Variants in SPTA1 observed in about 807,000 individuals in gnomAD.
SPTA1 encodes the protein spectrin alpha chain, erythrocytic 1.
A neutral mutation model predicts 324.7 loss-of-function variants in SPTA1; 177 were observed. The observed-to-expected ratio is 0.55, with a 90% confidence interval of 0.48 to 0.62. The LOEUF (loss-of-function observed/expected upper bound fraction) is 0.62, where lower values mean the gene tolerates loss of function less well. Ranked by LOEUF, SPTA1 falls within the 20% of genes least tolerant of loss-of-function variation. The probability of loss-of-function intolerance (pLI) is 0.00; values close to 1 mark genes in which losing one functional copy is unlikely to be tolerated. For synonymous variants in SPTA1, 1,195 were observed against 1,041.3 expected (o/e 1.15, Z -2.84); for missense variants, 3,162 against 2,883.6 (o/e 1.10, Z -2.21).
chr1:158,661,347 C>CA lies in SPTA1; in HGVS notation c.2526dup (p.Ala843CysfsTer4). ...TCTTGAATGCGTGGTTCATGGCTGG[C>CA]AATGTTCTCCAGGATGACTCTATGC... On this transcript the variant is annotated frameshift_variant, in exon 18 of 52. Coordinates refer to ENST00000643759, the MANE Select transcript of SPTA1 (RefSeq NM_003126.4). LOFTEE classifies it high-confidence loss of function. The CA allele has an allele frequency of 6.2e-7, 1 of 1,613,900 alleles. No homozygotes were observed. The highest frequency in any genetic ancestry group is 2.2e-5 in the East Asian group (1 of 44,856).
chr1:158,674,589 G>A lies in SPTA1; in HGVS notation c.1199C>T (p.Thr400Ile). The A allele has an allele frequency of 6.2e-7, 1 of 1,614,114 alleles. No individual in the cohort carries two copies. Among genetic ancestry groups the A allele is most frequent in the Non-Finnish European group, 8.5e-7 (1 of 1,180,014 alleles). The change falls in exon 9 of 52, where the codon ACA becomes ATA. Residue 400 changes from threonine to isoleucine, a missense_variant. By Grantham distance (89) the Thr-to-Ile change is moderately conservative (BLOSUM62 -1). Transcript: ENST00000643759. ...TAAINADELP[T>I]DVAGGEVLLD... ...CAGAACTTCTCCACCAGCCACATCT[G>A]TTGGCAGCTCATCAGCATTGATCGC... is the stretch of plus-strand genomic sequence containing the variant.
At chr1:158,652,054 T>A (rs1246897905) in intron 23 of SPTA1, among the ~76,000 whole-genome samples, 1 of 152,136 alleles carries the variant, frequency 6.6e-6, no homozygotes, top group African/African-American at 2.4e-5. Flanking sequence ...GGGTTTTAGG[T>A]AGGCAAAAAA....
In SPTA1 at chr1:158,681,390, A is replaced by G. The variant is rs1034989997; in HGVS notation, c.531+137T>C. 4.9e-6 allele frequency: 7 copies of G among 1,430,586 alleles called. No individual in the cohort carries two copies. The South Asian group carries it at 5.8e-5, about 12-fold the overall frequency. 88.6% of individuals were successfully genotyped at this position (1,430,586 alleles called of 1,614,324 possible). ...CAGATACCCCTACATTTTGGCCCCA[A>G]TTTCCTCTTGTTCCAAAGAACAAAG... On this transcript the variant is annotated intron_variant, in intron 4 of 51. Transcript: ENST00000643759.
In SPTA1 at chr1:158,667,857, C is replaced by T. The variant is rs199883479; in HGVS notation, c.2038+1G>A. 1.9e-6 allele frequency: 3 copies of T among 1,613,686 alleles called. No homozygotes were observed. In the Admixed American group the frequency reaches 5.0e-5, roughly 27 times the overall value. On this transcript the variant is annotated splice_donor_variant, in intron 15 of 51. Transcript: ENST00000643759. LOFTEE classifies it high-confidence loss of function. ...CTTTCACCAAAACCTCTGCTTTTTA[C>T]CTTTCTGTTTTGTAGCCTCCAGCAA...
intron 3 of SPTA1, 112 bp from the exon 4 acceptor site, chr1:158,681,779 G>T: frequency 1.5e-6 from 2 of 1,346,132 alleles, no homozygotes; most frequent in Non-Finnish European, 2.1e-6. Context: ...AGTTACTCAT[G>T]CATTAGTTGC....
In SPTA1 at chr1:158,668,001, A is replaced by G. The variant is rs755734340; in HGVS notation, c.1895T>C (p.Val632Ala). The change falls in exon 15 of 52, where the codon GTT (valine) becomes GCT (alanine). Residue 632 changes from valine to alanine, a missense_variant. Physicochemically the swap from Val to Ala is moderately conservative, Grantham distance 64. Transcript: ENST00000643759. Reference sequence around the variant, plus strand: ...TATGTTTTCCAGCTGGGTCTTATTAACTGCCAACTCCTTTTCAAAGACTTG... The same window carrying G: ...TATGTTTTCCAGCTGGGTCTTATTAGCTGCCAACTCCTTTTCAAAGACTTG... ...KQQVFEKELAVNKTQLENIQK... is the reference protein window; with the variant it reads ...KQQVFEKELAANKTQLENIQK... 6.2e-7 allele frequency: 1 copy of G among 1,613,602 alleles called. No homozygotes were observed. Among genetic ancestry groups the G allele is most frequent in the Non-Finnish European group, 8.5e-7 (1 of 1,179,922 alleles).
rs1363992021 is a variant in SPTA1, at chr1:158,686,623, A to G, written c.-106T>C. On this transcript the variant is annotated 5_prime_UTR_variant, in exon 1 of 52. Coordinates refer to ENST00000643759, the MANE Select transcript of SPTA1 (RefSeq NM_003126.4). Reference sequence around the variant, plus strand: ...CAGTCGAATTCAAATAGAAATATAGAAACGTTAAGTATGTGGGGGAAAAAA... The same window carrying G: ...CAGTCGAATTCAAATAGAAATATAGGAACGTTAAGTATGTGGGGGAAAAAA... The G allele has an allele frequency of 7.1e-5, 64 of 907,630 alleles. No individual in the cohort carries two copies. The Middle Eastern group carries it at 1.1e-3, about 16-fold the overall frequency. The allele number at this position is 907,630 out of a possible 1,614,324, so 56.2% of individuals were successfully genotyped here.
intron 34 of SPTA1, 87 bp downstream of exon 34, chr1:158,639,783 T>G: frequency 6.2e-7 from 1 of 1,612,496 alleles, no homozygotes; most frequent in East Asian, 2.2e-5. Flanking sequence ...CCCAGGAAAA[T>G]TCAAGGAAAT....
At chr1:158,653,740 G>T (rs1389944453) in intron 21 of SPTA1, among the ~76,000 whole-genome samples, 1 of 152,180 alleles carries the variant, frequency 6.6e-6, no homozygotes, top group Non-Finnish European at 1.5e-5. Flanking sequence ...AACACATGGA[G>T]CCAGGCTCTA....
At chr1:158,634,468 G>T in intron 39 of SPTA1, 75 bp downstream of exon 39, 4 of 1,587,300 alleles carry the variant, frequency 2.5e-6, no homozygotes, top group Non-Finnish European at 2.6e-6. Flanking sequence ...TAATATTACA[G>T]GTAAAAACAC....
intron 23 of SPTA1, 132 bp from the exon 24 acceptor site, chr1:158,651,600 C>T (rs753904081): frequency 2.6e-5 from 19 of 724,242 alleles, no homozygotes; most frequent in Non-Finnish European, 4.6e-5. Flanking sequence ...AGCTCCTCTC[C>T]TCCAATCCAC....
rs1443866501 is a variant in SPTA1, at chr1:158,662,926, G to C, written c.2240C>G (p.Thr747Arg). The C allele has an allele frequency of 6.2e-7, 1 of 1,614,052 alleles. No individual in the cohort carries two copies. The highest frequency in any genetic ancestry group is 1.1e-5 in the South Asian group (1 of 91,088). The change falls in exon 17 of 52, where the codon ACA (threonine) becomes AGA (arginine). Residue 747 changes from threonine to arginine, a missense_variant. Physicochemically the swap from Thr to Arg is moderately conservative, Grantham distance 71. Transcript: ENST00000643759. ...AARQDQVDIL[T>R]DLAAYFEEIG... ...TTCTTCAAAATATGCAGCCAGGTCT[G>C]TAAGGATATCCACCTGATCCTAAGG...
At chr1:158,614,712 T>G (rs1649453201) in intron 48 of SPTA1, 1 of 194,646 alleles carries the variant, frequency 5.1e-6, no homozygotes, top group Non-Finnish European at 1.1e-5. Flanking sequence ...AGTTAAATTA[T>G]TTATTATCAG....
chr1:158,681,803 A>G, intron 3 of SPTA1, 136 bp from the exon 4 acceptor site: 2 of 1,140,656 alleles, frequency 1.8e-6, no homozygotes, highest in Non-Finnish European at 2.6e-6. Context: ...ACAAACATTT[A>G]AAAGAGGAAA....
chr1:158,685,305 C>T lies in SPTA1; in HGVS notation c.67G>A (p.Glu23Lys). Residue 23 changes from glutamate to lysine, a missense_variant, in exon 2 of 52, where the codon GAG becomes AAG. Physicochemically the swap from Glu to Lys is moderately conservative, Grantham distance 56 (BLOSUM62 1). Transcript: ENST00000643759. ...SGPKVLETAE[E>K]IQERRQEVLT... ...ACTTCCTGACGCCTCTCCTGGATCT[C>T]TTCTGCTGTTTCCAAAACCTTTGGC... is the stretch of plus-strand genomic sequence containing the variant. 1 of 1,613,824 alleles carries T rather than the reference C, an allele frequency of 6.2e-7. No individual in the cohort carries two copies. Among genetic ancestry groups the T allele is most frequent in the Non-Finnish European group, 8.5e-7 (1 of 1,179,836 alleles).
chr1:158,681,749 T>C lies in SPTA1; in HGVS notation c.391-82A>G, dbSNP rs1024749181. On this transcript the variant is annotated intron_variant, in intron 3 of 51. Transcript: ENST00000643759. ...TCAGAGACTTGTGCAGAAAGAGACC[T>C]GGATAAAAATTCTTCTCTCAGTTAC... The C allele has an allele frequency of 1.6e-5, 26 of 1,581,684 alleles. No individual in the cohort carries two copies. In the East Asian group the frequency reaches 2.9e-4, roughly 18 times the overall value.
intron 39 of SPTA1, among the ~76,000 whole-genome samples, chr1:158,631,048 C>G (rs533935323): frequency 2.0e-5 from 3 of 152,116 alleles, no homozygotes; most frequent in African/African-American, 7.2e-5. Context: ...AGTACAACCA[C>G]TATAAAAAAC....
chr1:158,665,380 T>C (rs998523461), intron 16 of SPTA1, among the ~76,000 whole-genome samples: 2 of 152,158 alleles, frequency 1.3e-5, no homozygotes, highest in African/African-American at 4.8e-5. Flanking sequence ...TTATTCTGTT[T>C]TTTTCCATTT....
At chr1:158,661,489 G>A (rs1653212187) in intron 17 of SPTA1, 80 bp from the exon 18 acceptor site, 3 of 1,587,570 alleles carry the variant, frequency 1.9e-6, no homozygotes, top group Non-Finnish European at 2.6e-6. Flanking sequence ...AGAACTCTTG[G>A]ACCCACAGGT....
Sources: gnomAD v4.1 joint callset for allele counts (sites outside exome capture counted in the v4.1 genomes callset) on GRCh38, gnomAD v4.1.1 for gene constraint, MANE v1.5 for transcripts, NCBI Gene and HGNC (gene_info 2026-07-23, HGNC 2026-07-21) for gene names.